SLC8A1: variants seen among roughly 807,000 people sequenced by gnomAD.
SLC8A1 encodes the protein solute carrier family 8 member A1, also known as sodium/calcium exchanger 1.
Under a neutral mutation model 68.3 loss-of-function variants are expected in SLC8A1, and 18 were observed. The observed-to-expected ratio is 0.26, with a 90% CI of 0.18 to 0.39. SLC8A1 has a LOEUF of 0.39. Ranked by LOEUF, SLC8A1 falls within the 10% of genes least tolerant of loss-of-function variation. The pLI is 1.00. For missense variants in SLC8A1, 985 were observed against 1,156.7 expected, an observed-to-expected ratio of 0.85 and a Z score of 2.15; for synonymous variants, 475 against 415.5, an observed-to-expected ratio of 1.14 and a Z score of -1.74.
At chr2:40,489,714 G>C (rs1430109137) in intron 1 of SLC8A1, among the ~76,000 whole-genome samples, 2 of 151,948 alleles carry the variant, frequency 1.3e-5, no homozygotes, top group Admixed American at 1.3e-4. Context: ...ATAGAGATTT[G>C]GTACTTAACC....
intron 2 of SLC8A1, among the ~76,000 whole-genome samples, chr2:40,292,993 G>C (rs1050461053): frequency 2.6e-5 from 4 of 152,020 alleles, no homozygotes; most frequent in Admixed American, 2.0e-4. Flanking sequence ...CTTAACTCTG[G>C]ATCACTCTGC....
rs562231997 is a variant in SLC8A1 at position 40,256,810 on chromosome 2, A to G, written c.1809-78955T>C. On this transcript the variant is annotated intron_variant, in intron 2 of 7. Transcript: ENST00000406785. The stretch of plus-strand genomic sequence containing the variant: ...GGCCAAGGGTACTTCCTGCATCCAC[A>G]GGGTTGGGGATGCTGAGTGCAATCC... Among the ~76,000 whole-genome samples the G allele has an allele frequency of 2.0e-5, 3 of 152,252 alleles. No homozygotes were observed. In the East Asian group the frequency reaches 5.8e-4, roughly 29 times the overall value.
chr2:40,190,041 G>T (rs1459878292), intron 2 of SLC8A1, among the ~76,000 whole-genome samples: 1 of 152,156 alleles, frequency 6.6e-6, no homozygotes, highest in Non-Finnish European at 1.5e-5. Flanking sequence ...AAGTTTTCAG[G>T]ATTCATCTGC....
At chr2:40,175,265 C>A (rs1162103002) in intron 3 of SLC8A1, 2 of 1,613,172 alleles carry the variant, frequency 1.2e-6, no homozygotes, top group African/African-American at 2.7e-5. Flanking sequence ...GCTTACCAAG[C>A]TCATTCAATA....
intron 2 of SLC8A1, among the ~76,000 whole-genome samples, chr2:40,280,303 A>G (rs547889233): frequency 6.6e-6 from 1 of 151,664 alleles, no homozygotes; most frequent in South Asian, 2.1e-4. Flanking sequence ...AAAGTCCTGA[A>G]ATTTAATTTT....
At chr2:40,385,878 G>A (rs1299723952) in intron 2 of SLC8A1, among the ~76,000 whole-genome samples, 10 of 151,256 alleles carry the variant, frequency 6.6e-5, no homozygotes, top group Non-Finnish European at 2.9e-5. Context: ...TACACAAAAT[G>A]ATAATCCACT....
chr2:40,251,889 G>C (rs901067144), intron 2 of SLC8A1: 1 of 151,886 alleles, frequency 6.6e-6, no homozygotes, highest in Non-Finnish European at 1.5e-5. Context: ...ATATACATCG[G>C]GTATTATGAA....
chr2:40,375,061 A>G (rs1216461072), intron 2 of SLC8A1, among the ~76,000 whole-genome samples: 1 of 152,046 alleles, frequency 6.6e-6, no homozygotes, highest in Non-Finnish European at 1.5e-5. Flanking sequence ...CAGTCGGGAG[A>G]ACAGCCCTGT....
At chr2:40,299,021 C>T (rs1238441693) in intron 2 of SLC8A1, among the ~76,000 whole-genome samples, 3 of 152,044 alleles carry the variant, frequency 2.0e-5, no homozygotes, top group Non-Finnish European at 2.9e-5. Flanking sequence ...GAGGAGGCCT[C>T]GGCTATTCAA....
intron 2 of SLC8A1, among the ~76,000 whole-genome samples, chr2:40,423,288 T>C (rs375780428): frequency 2.0e-5 from 3 of 152,048 alleles, no homozygotes; most frequent in Admixed American, 6.6e-5. Flanking sequence ...CAAAAGCAAA[T>C]GAAAATATTT....
chr2:40,135,573 C>G (rs920171815), intron 7 of SLC8A1, among the ~76,000 whole-genome samples: 1 of 152,070 alleles, frequency 6.6e-6, no homozygotes, highest in African/African-American at 2.4e-5. Flanking sequence ...CAAAAATTAG[C>G]TAGGCATGGT....
intron 1 of SLC8A1, among the ~76,000 whole-genome samples, chr2:40,496,655 T>G (rs1418550772): frequency 1.3e-5 from 2 of 152,062 alleles, no homozygotes; most frequent in African/African-American, 4.8e-5. Context: ...CTGGTAAAAT[T>G]GACAGTTTTT....
intron 2 of SLC8A1, among the ~76,000 whole-genome samples, chr2:40,332,864 G>C (rs999765109): frequency 6.6e-6 from 1 of 152,106 alleles, no homozygotes; most frequent in African/African-American, 2.4e-5. Flanking sequence ...AAATCCTTTT[G>C]ACCCAAATGG....
At chr2:40,138,986 C>T (rs1433822633) in intron 7 of SLC8A1, among the ~76,000 whole-genome samples, 1 of 152,104 alleles carries the variant, frequency 6.6e-6, no homozygotes, top group Admixed American at 6.5e-5. Flanking sequence ...TTCCTAGTTA[C>T]CTAAATGAAT....
At chr2:40,300,031 G>C (rs141765762) in intron 2 of SLC8A1, among the ~76,000 whole-genome samples, 1 of 152,212 alleles carries the variant, frequency 6.6e-6, no homozygotes, top group African/African-American at 2.4e-5. Context: ...TAGACCTTCA[G>C]GCTATCACTG....
intron 1 of SLC8A1, among the ~76,000 whole-genome samples, chr2:40,498,632 C>A (rs1186384778): frequency 2.0e-5 from 3 of 152,052 alleles, no homozygotes; most frequent in Admixed American, 6.6e-5. Context: ...TCCTTCCTAA[C>A]AACTGTGCTC....
intron 2 of SLC8A1, among the ~76,000 whole-genome samples, chr2:40,338,460 C>A (rs1666708653): frequency 2.0e-5 from 3 of 152,114 alleles, no homozygotes; most frequent in Admixed American, 6.6e-5. Context: ...TCTGAGCCTG[C>A]TGATTGAAGA....
At chr2:40,133,701 T>G (rs1307988910) in intron 7 of SLC8A1, among the ~76,000 whole-genome samples, 1 of 53,044 alleles carries the variant, frequency 1.9e-5, no homozygotes, top group African/African-American at 6.1e-5. Flanking sequence ...GGGGCAAAAA[T>G]CCCCCCCCCC....
At chr2:40,448,508 C>G (rs1576567581) in intron 1 of SLC8A1, among the ~76,000 whole-genome samples, 1 of 152,130 alleles carries the variant, frequency 6.6e-6, no homozygotes, top group South Asian at 2.1e-4. Context: ...ACAGAAATAC[C>G]TTCGTTTAAA....
Sources: gnomAD v4.1 joint callset for allele counts (sites outside exome capture counted in the v4.1 genomes callset) on GRCh38, gnomAD v4.1.1 for gene constraint, MANE v1.5 for transcripts, NCBI Gene and HGNC (gene_info 2026-07-23, HGNC 2026-07-21) for gene names.